SPEF2: variants seen among roughly 807,000 people sequenced by gnomAD.
SPEF2 encodes sperm flagellar and cilia associated 2.
SPEF2 carries 187 observed loss-of-function variants against 224.6 expected under a neutral mutation model. That is an observed-to-expected ratio of 0.83 (90% confidence interval 0.74 to 0.94). The LOEUF is 0.94. SPEF2 is among the 40% of genes least tolerant of loss of function. The probability of loss-of-function intolerance (pLI) is 0.00; values close to 1 mark genes in which losing one functional copy is unlikely to be tolerated. For synonymous variants in SPEF2, 715 were observed against 707.3 expected, an observed-to-expected ratio of 1.01 and a Z score of -0.17; for missense variants, 2,170 against 2,135.6, an observed-to-expected ratio of 1.02 and a Z score of -0.32.
At chr5:35,731,232 T>G (rs1286790488) in intron 21 of SPEF2, among the ~76,000 whole-genome samples, 1 of 152,190 alleles carries the variant, frequency 6.6e-6, no homozygotes, top group Non-Finnish European at 1.5e-5. Context: ...TTGTGAGTCC[T>G]AAAGACTTGG....
intron 28 of SPEF2, among the ~76,000 whole-genome samples, chr5:35,775,158 C>T (rs909132331): frequency 6.6e-6 from 1 of 152,040 alleles, no homozygotes; most frequent in African/African-American, 2.4e-5. Context: ...GCATGTTGAC[C>T]TGTTGACAGC....
At chr5:35,722,381 A>G (rs953677134) in intron 20 of SPEF2, among the ~76,000 whole-genome samples, 1 of 152,006 alleles carries the variant, frequency 6.6e-6, no homozygotes, top group Non-Finnish European at 1.5e-5. Context: ...CATGGGATTC[A>G]TGGGGGTTGG....
In SPEF2 at chr5:35,709,478, A is replaced by C. The variant is rs114167643; in HGVS notation, c.2839+357A>C. The stretch of plus-strand genomic sequence containing the variant: ...ATAGAGTTACATTTATGTAATGAGT[A>C]AGAACATCTTAATAAAATAAGAATG... On this transcript the variant is annotated intron_variant, in intron 19 of 36. Coordinates refer to ENST00000356031, the MANE Select transcript of SPEF2 (RefSeq NM_024867.4). 425 of 1,004,180 alleles carry C rather than the reference A, an allele frequency of 4.2e-4. 1 individual carries two copies. The African/African-American group carries it at 7.1e-3, about 17-fold the overall frequency. 62.2% of individuals were successfully genotyped at this position (1,004,180 alleles called of 1,614,324 possible).
intron 24 of SPEF2, among the ~76,000 whole-genome samples, chr5:35,756,521 GC>G (rs1369791553): frequency 6.6e-6 from 1 of 152,164 alleles, no homozygotes; most frequent in Non-Finnish European, 1.5e-5. Context: ...CTAATGAACA[GC>G]CCATCAAGTA....
intron 5 of SPEF2, among the ~76,000 whole-genome samples, chr5:35,647,888 G>C (rs1404873778): frequency 1.0e-5 from 1 of 95,794 alleles, no homozygotes; most frequent in East Asian, 4.4e-4. Flanking sequence ...TTCAGTAAGA[G>C]GCAATCTCAT....
intron 19 of SPEF2, 28 bp downstream of exon 19, chr5:35,709,149 G>T (rs201090690): frequency 6.9e-6 from 11 of 1,597,436 alleles, no homozygotes; most frequent in Non-Finnish European, 9.4e-6. Context: ...TTATAATCCT[G>T]TTTTCAGTTT....
At chr5:35,717,263 T>C (rs1742755954) in intron 20 of SPEF2, among the ~76,000 whole-genome samples, 1 of 152,172 alleles carries the variant, frequency 6.6e-6, no homozygotes, top group Non-Finnish European at 1.5e-5. Context: ...CCAGGGCATT[T>C]TGGCTGCAGA....
At chr5:35,633,523 G>T (rs941889413) in intron 2 of SPEF2, among the ~76,000 whole-genome samples, 3 of 151,650 alleles carry the variant, frequency 2.0e-5, no homozygotes, top group African/African-American at 7.3e-5. Context: ...TTGTGTCTTT[G>T]AATCTAAAGT....
chr5:35,754,235 A>G (rs926876358), intron 24 of SPEF2, among the ~76,000 whole-genome samples: 1 of 152,148 alleles, frequency 6.6e-6, no homozygotes, highest in Non-Finnish European at 1.5e-5. Context: ...CGATTAACTT[A>G]TATTTGCAGC....
chr5:35,763,780 A>G (rs532854984), intron 26 of SPEF2, 78 bp downstream of exon 26: 2 of 1,344,930 alleles, frequency 1.5e-6, no homozygotes, highest in Admixed American at 2.6e-5. Context: ...CTATAAGTGG[A>G]AAATTGACAC....
At chr5:35,654,487 G>T in intron 6 of SPEF2, 53 bp from the exon 7 acceptor site, 1 of 1,400,752 alleles carries the variant, frequency 7.1e-7, no homozygotes, top group Non-Finnish European at 9.5e-7. Context: ...ACAGATAGTG[G>T]CATGGGATCA....
intron 20 of SPEF2, among the ~76,000 whole-genome samples, chr5:35,718,674 C>G (rs1743062358): frequency 6.6e-6 from 1 of 152,132 alleles, no homozygotes; most frequent in South Asian, 2.1e-4. Flanking sequence ...CTGTCAGTAG[C>G]CTTGGAGTTT....
rs550549939 is a variant in SPEF2 at position 35,812,452 on chromosome 5, G to C, written c.5380-2012G>C. On this transcript the variant is annotated intron_variant, in intron 36 of 36. Transcript: ENST00000356031. ...TACAAAAAAGTTATTTTCAAATAAT[G>C]CTCCTAAATTATTAAGAAAATGATT... 3.3e-5 allele frequency among the ~76,000 whole-genome samples: 5 copies of C among 152,142 alleles called. No individual in the cohort carries two copies. In the East Asian group the frequency reaches 9.7e-4, roughly 29 times the overall value.
intron 7 of SPEF2, 63 bp from the exon 8 acceptor site, chr5:35,658,956 G>T: frequency 2.2e-6 from 3 of 1,336,574 alleles, no homozygotes; most frequent in Non-Finnish European, 3.0e-6. Context: ...TTCTGTATAG[G>T]CTTCGTAGCT....
intron 23 of SPEF2, among the ~76,000 whole-genome samples, chr5:35,745,310 G>A (rs1748320569): frequency 6.6e-6 from 1 of 152,156 alleles, no homozygotes; most frequent in Non-Finnish European, 1.5e-5. Flanking sequence ...AACTGGGCAA[G>A]AAGCCTCCCG....
intron 26 of SPEF2, among the ~76,000 whole-genome samples, chr5:35,765,957 A>G (rs1369218596): frequency 6.6e-6 from 1 of 152,120 alleles, no homozygotes; most frequent in African/African-American, 2.4e-5. Context: ...TTAAACTTAC[A>G]TCACATTCCT....
intron 28 of SPEF2, among the ~76,000 whole-genome samples, chr5:35,775,658 G>T (rs1753511136): frequency 6.6e-6 from 1 of 152,148 alleles, no homozygotes; most frequent in South Asian, 2.1e-4. Flanking sequence ...TAGTGTGGAG[G>T]TGGATTTGGA....
chr5:35,667,006 A>C, intron 8 of SPEF2, 66 bp from the exon 9 acceptor site: 1 of 1,445,972 alleles, frequency 6.9e-7, no homozygotes, highest in Non-Finnish European at 9.2e-7. Context: ...TTGGCCATTG[A>C]AATGATGACA....
chr5:35,660,933 T>A (rs1749603425), intron 8 of SPEF2, among the ~76,000 whole-genome samples: 1 of 151,844 alleles, frequency 6.6e-6, no homozygotes, highest in African/African-American at 2.4e-5. Context: ...TCTGAAAAAA[T>A]TATATTTCTT....
Sources: gnomAD v4.1 joint callset for allele counts (sites outside exome capture counted in the v4.1 genomes callset) on GRCh38, gnomAD v4.1.1 for gene constraint, MANE v1.5 for transcripts, NCBI Gene and HGNC (gene_info 2026-07-23, HGNC 2026-07-21) for gene names.